The following ANKRD31 variants were observed in gnomAD, a reference collection of about 807,000 sequenced individuals.
ANKRD31 encodes ankyrin repeat domain 31.
A neutral mutation model predicts 186.0 loss-of-function variants in ANKRD31; 147 were observed. The observed-to-expected ratio is 0.79, with a 90% CI of 0.69 to 0.91. The LOEUF (loss-of-function observed/expected upper bound fraction) is 0.91. Among genes scored for constraint, ANKRD31 ranks in the 40% least tolerant of loss-of-function variants. The probability of loss-of-function intolerance (pLI) is 0.00; values close to 1 mark genes in which losing one functional copy is unlikely to be tolerated. For missense variants in ANKRD31, 1,986 were observed against 2,148.8 expected (o/e 0.92, Z 1.50); for synonymous variants, 673 against 736.4 (o/e 0.91, Z 1.39).
chr5:75,194,907 T>C (rs972614967), intron 7 of ANKRD31, among the ~76,000 whole-genome samples: 4 of 152,182 alleles, frequency 2.6e-5, no homozygotes, highest in African/African-American at 9.6e-5. Flanking sequence ...TTTGTTACCA[T>C]ATTATTATGT....
intron 22 of ANKRD31, among the ~76,000 whole-genome samples, chr5:75,097,937 T>A (rs1164589950): frequency 6.6e-6 from 1 of 152,230 alleles, no homozygotes; most frequent in Admixed American, 6.5e-5. Flanking sequence ...TTTCTTGTTT[T>A]TGTCAGGTTT....
intron 22 of ANKRD31, among the ~76,000 whole-genome samples, chr5:75,091,818 T>C (rs1479490930): frequency 6.6e-6 from 1 of 152,136 alleles, no homozygotes; most frequent in Non-Finnish European, 1.5e-5. Flanking sequence ...CCAGCAGCTA[T>C]AACCAAAGGG....
At chr5:75,134,320 G>A (rs964315832) in intron 17 of ANKRD31, among the ~76,000 whole-genome samples, 1 of 152,038 alleles carries the variant, frequency 6.6e-6, no homozygotes, top group African/African-American at 2.4e-5. Context: ...CAATAAAAAT[G>A]ATAAAGGTGA....
At chr5:75,130,019 T>C (rs1749632623) in intron 17 of ANKRD31, among the ~76,000 whole-genome samples, 1 of 152,194 alleles carries the variant, frequency 6.6e-6, no homozygotes, top group Non-Finnish European at 1.5e-5. Context: ...CTGTGGACCC[T>C]CGTGGTGAGT....
chr5:75,180,169 C>A (rs1255263006), intron 10 of ANKRD31, among the ~76,000 whole-genome samples: 3 of 152,150 alleles, frequency 2.0e-5, no homozygotes, highest in Admixed American at 2.0e-4. Context: ...AGAAATCCAA[C>A]TTACAAGGGA....
At chr5:75,130,696 T>C (rs1346137347) in intron 17 of ANKRD31, among the ~76,000 whole-genome samples, 2 of 152,160 alleles carry the variant, frequency 1.3e-5, no homozygotes, top group African/African-American at 4.8e-5. Flanking sequence ...AGAGTGCTGA[T>C]TGGTGCATTT....
chr5:75,133,913 C>T (rs11968769), intron 17 of ANKRD31, among the ~76,000 whole-genome samples: 1 of 152,126 alleles, frequency 6.6e-6, no homozygotes, highest in Admixed American at 6.6e-5. Flanking sequence ...TCCTGAATGA[C>T]TACTGGGTAC....
intron 22 of ANKRD31, among the ~76,000 whole-genome samples, chr5:75,102,235 C>T (rs1464224278): frequency 2.0e-5 from 3 of 152,198 alleles, no homozygotes; most frequent in Non-Finnish European, 2.9e-5. Flanking sequence ...CCAGCAGAGG[C>T]TGCAGAGCAG....
rs928565966 is a variant in ANKRD31, at chr5:75,180,581, A to T, written c.1564+7912T>A. Among the ~76,000 whole-genome samples the T allele has an allele frequency of 3.3e-5, 5 of 152,306 alleles. No homozygotes were observed. The East Asian group carries it at 5.8e-4, about 18-fold the overall frequency. On this transcript the variant is annotated intron_variant, in intron 10 of 25. Coordinates refer to ENST00000506364, the MANE Select transcript of ANKRD31 (RefSeq NM_001372053.1). Reference sequence around the variant, plus strand: ...ACAGAGCCCTCAGAAGTAATGCCGCATATCTACAACTATCTGATCTTTGAC... The same window carrying T: ...ACAGAGCCCTCAGAAGTAATGCCGCTTATCTACAACTATCTGATCTTTGAC...
rs755431758 is a variant in ANKRD31 at position 75,068,625 on chromosome 5, A to G, written c.5687T>C (p.Leu1896Pro). The G allele has an allele frequency of 1.3e-6, 2 of 1,524,474 alleles. No individual in the cohort carries two copies. Among genetic ancestry groups the G allele is most frequent in the South Asian group, 2.5e-5 (2 of 80,404 alleles). The allele number at this position is 1,524,474 out of a possible 1,614,324, so 94.4% of individuals were successfully genotyped here. ...RESMQSSPRY[L>P]QINEILLISD... ...GATTAATAGTATTTCATTTATTTGT[A>G]GATAACGTGGGCTGCTTTGCATTGA... The change falls in exon 26 of 26, where the codon CTA (leucine) becomes CCA (proline). Residue 1896 changes from leucine to proline, a missense_variant. By Grantham distance (98) the Leu-to-Pro change is moderately conservative. Transcript: ENST00000506364.
intron 3 of ANKRD31, among the ~76,000 whole-genome samples, chr5:75,211,176 T>C (rs1262484960): frequency 6.6e-6 from 1 of 152,176 alleles, no homozygotes; most frequent in East Asian, 1.9e-4. Flanking sequence ...CCACAACCCA[T>C]GGCAGCCACC....
chr5:75,100,065 T>C (rs1746705626), intron 22 of ANKRD31, among the ~76,000 whole-genome samples: 2 of 152,234 alleles, frequency 1.3e-5, no homozygotes, highest in Admixed American at 6.5e-5. Context: ...CATTTAGTGC[T>C]ATAAATTTCC....
chr5:75,229,529 G>C (rs968894510), intron 2 of ANKRD31, among the ~76,000 whole-genome samples: 1 of 152,066 alleles, frequency 6.6e-6, no homozygotes, highest in African/African-American at 2.4e-5. Flanking sequence ...AGGATGAAAA[G>C]AGAAGTTAAT....
rs113842924 is a variant in ANKRD31, at chr5:75,077,197, T to C, written c.5647+3371A>G. On this transcript the variant is annotated intron_variant, in intron 25 of 25. Coordinates refer to ENST00000506364, the MANE Select transcript of ANKRD31 (RefSeq NM_001372053.1). ...GATTCTCCTGCCTCAGCCTCCCAAG[T>C]AGCTAGGACCACAGACATGCCCCAC... 5.0e-3 allele frequency among the ~76,000 whole-genome samples: 762 copies of C among 152,200 alleles called. 7 individuals carry two copies. Among genetic ancestry groups the C allele is most frequent in the African/African-American group, 0.018 (738 of 41,538 alleles).
At chr5:75,153,565 G>A (rs921615393) in intron 12 of ANKRD31, among the ~76,000 whole-genome samples, 6 of 152,060 alleles carry the variant, frequency 3.9e-5, no homozygotes, top group African/African-American at 1.2e-4. Context: ...TTAACCAGTA[G>A]GGTGGCCAGC....
At chr5:75,172,768 C>T (rs1753445062) in intron 10 of ANKRD31, among the ~76,000 whole-genome samples, 2 of 152,070 alleles carry the variant, frequency 1.3e-5, no homozygotes, top group African/African-American at 4.8e-5. Flanking sequence ...CAAAAAAAGT[C>T]CAGGACCAGA....
At chr5:75,107,497 CT>C (rs750155018) in intron 21 of ANKRD31, 23 bp downstream of exon 21, 71 of 1,403,220 alleles carry the variant, frequency 5.1e-5, no homozygotes, top group Middle Eastern at 1.8e-4. Context: ...CAAAAGCACT[CT>C]TTTTTTTTCT....
intron 22 of ANKRD31, among the ~76,000 whole-genome samples, chr5:75,096,808 T>TCCCCCA (rs2150041290): frequency 6.7e-6 from 1 of 148,862 alleles, no homozygotes; most frequent in South Asian, 2.2e-4. Flanking sequence ...TGCTATCCCT[T>TCCCCCA]CCCCCACCCC....
chr5:75,157,160 G>A (rs1191998122), intron 11 of ANKRD31, among the ~76,000 whole-genome samples: 1 of 152,114 alleles, frequency 6.6e-6, no homozygotes, highest in Admixed American at 6.6e-5. Flanking sequence ...ATATCATCAT[G>A]AACACAATGT....
Sources: allele counts gnomAD v4.1 joint callset (sites outside exome capture counted in the v4.1 genomes callset), GRCh38; gene constraint gnomAD v4.1.1; transcripts MANE v1.5; gene names NCBI Gene and HGNC (gene_info 2026-07-23, HGNC 2026-07-21).